Variants in CUX1 observed in about 807,000 individuals in gnomAD.
The protein encoded by CUX1 is protein CASP.
Under a neutral mutation model 158.8 loss-of-function variants are expected in CUX1, and 31 were observed. The observed-to-expected ratio is 0.20, with a 90% CI of 0.15 to 0.26. CUX1 has a LOEUF of 0.26. CUX1 is among the 10% of genes least tolerant of loss of function. CUX1 has a pLI of 1.00. For synonymous variants in CUX1, 879 were observed against 862.1 expected (o/e 1.02, Z -0.34); for missense variants, 1,589 against 2,014.6 (o/e 0.79, Z 4.04).
intron 2 of CUX1, among the ~76,000 whole-genome samples, chr7:101,952,519 G>A (rs769913576): frequency 2.6e-5 from 4 of 152,168 alleles, no homozygotes; most frequent in African/African-American, 4.8e-5. Flanking sequence ...ACGGAACCCC[G>A]AGTACCTTTC....
At chr7:102,107,898 G>A (rs533723368) in intron 6 of CUX1, among the ~76,000 whole-genome samples, 10 of 152,350 alleles carry the variant, frequency 6.6e-5, no homozygotes, top group African/African-American at 1.9e-4. Flanking sequence ...GGTGGAGGCC[G>A]CATCCATCGT....
At chr7:101,870,156 T>TG (rs1554400786) in intron 1 of CUX1, among the ~76,000 whole-genome samples, 3 of 149,018 alleles carry the variant, frequency 2.0e-5, no homozygotes, top group African/African-American at 7.4e-5. Flanking sequence ...TTTTTTTGTT[T>TG]TTTTTTTTTT....
chr7:101,851,286 T>C (rs140763925), intron 1 of CUX1, among the ~76,000 whole-genome samples: 150 of 152,274 alleles, frequency 9.9e-4, no homozygotes, highest in African/African-American at 3.5e-3. Context: ...TCTTAAAATA[T>C]GGAAGGCCAT....
intron 3 of CUX1, among the ~76,000 whole-genome samples, chr7:102,034,139 C>G (rs1246477710): frequency 6.1e-5 from 1 of 16,322 alleles, no homozygotes; most frequent in African/African-American, 3.4e-4. Flanking sequence ...GAGCGAGACT[C>G]CATCTCAAAA....
rs892294752 is a variant in CUX1, at chr7:102,144,547, T to G, written c.675-14013T>G. On this transcript the variant is annotated intron_variant, in intron 8 of 23. Transcript: ENST00000292535. The stretch of plus-strand genomic sequence containing the variant: ...GCACATTCAAAAATAATTTTTCACC[T>G]GCAGTCCCAGCAACTCAGGAGGCTG... Among the ~76,000 whole-genome samples, 4 of 152,064 alleles carry G rather than the reference T, an allele frequency of 2.6e-5. No homozygotes were observed. In the East Asian group the frequency reaches 7.7e-4, roughly 29 times the overall value.
intron 5 of CUX1, among the ~76,000 whole-genome samples, chr7:102,098,427 C>T (rs1283586704): frequency 2.0e-5 from 3 of 152,058 alleles, no homozygotes; most frequent in African/African-American, 7.2e-5. Context: ...GCCTCGGAAA[C>T]GTAGCAATAC....
At chr7:101,981,599 G>A (rs1197957922) in intron 2 of CUX1, among the ~76,000 whole-genome samples, 3 of 152,152 alleles carry the variant, frequency 2.0e-5, no homozygotes, top group Non-Finnish European at 4.4e-5. Context: ...AAATGTCAGA[G>A]GCTCTGAAGT....
In CUX1 at chr7:102,140,234, T is replaced by TTTTG. The variant is rs564626379; in HGVS notation, c.675-18302_675-18299dup. Reference sequence around the variant, plus strand: ...ATGCTCTACCTATGTGGGTTTGTTTTTTTGTTTGTTTGTTTGTTTGTTTGT... The same window carrying TTTTG: ...ATGCTCTACCTATGTGGGTTTGTTTTTTTGTTTGTTTGTTTGTTTGTTTGTTTGT... On this transcript the variant is annotated intron_variant, in intron 8 of 23. Transcript: ENST00000292535. 1.0e-3 allele frequency among the ~76,000 whole-genome samples: 158 copies of TTTTG among 152,122 alleles called. 1 individual carries two copies. The highest frequency in any genetic ancestry group is 6.8e-3 in the Middle Eastern group (2 of 294).
chr7:102,044,744 C>A (rs766765080), intron 3 of CUX1, among the ~76,000 whole-genome samples: 1 of 152,054 alleles, frequency 6.6e-6, no homozygotes, highest in Admixed American at 6.6e-5. Flanking sequence ...GGTTCCTAGA[C>A]GCCCACAAGC....
intron 1 of CUX1, among the ~76,000 whole-genome samples, chr7:101,876,954 C>T (rs1214167222): frequency 6.6e-6 from 1 of 152,144 alleles, no homozygotes; most frequent in African/African-American, 2.4e-5. Flanking sequence ...TCTGACCTCA[C>T]TACCACTCTG....
At chr7:101,920,369 G>T (rs534798132) in intron 2 of CUX1, among the ~76,000 whole-genome samples, 1 of 151,842 alleles carries the variant, frequency 6.6e-6, no homozygotes, top group Non-Finnish European at 1.5e-5. Context: ...TGATCCACCC[G>T]CCTCAGCCTC....
chr7:102,060,584 TATATATATACACACACACAAATAAAC>T (rs1386287351), intron 3 of CUX1, among the ~76,000 whole-genome samples: 12 of 115,006 alleles, frequency 1.0e-4, no homozygotes, highest in African/African-American at 1.6e-4. Flanking sequence ...TATATACATA[TATATATATACACACACACAAATAAAC>T]ACACACACAC....
chr7:102,073,909 A>G (rs1264783231), intron 4 of CUX1, among the ~76,000 whole-genome samples: 1 of 152,208 alleles, frequency 6.6e-6, no homozygotes, highest in Non-Finnish European at 1.5e-5. Context: ...CTAAAAGTCA[A>G]TCAGAATACA....
At chr7:101,855,135 C>T (rs1319154078) in intron 1 of CUX1, among the ~76,000 whole-genome samples, 3 of 152,276 alleles carry the variant, frequency 2.0e-5, no homozygotes, top group Non-Finnish European at 4.4e-5. Flanking sequence ...AGTGCCGTGG[C>T]ATCTTACCTC....
At chr7:101,991,346 T>A (rs1815098805) in intron 2 of CUX1, among the ~76,000 whole-genome samples, 1 of 152,332 alleles carries the variant, frequency 6.6e-6, no homozygotes, top group African/African-American at 2.4e-5. Context: ...CAGATGTGTG[T>A]GTGTATCTTT....
At chr7:101,825,534 C>T (rs1793154845) in intron 1 of CUX1, among the ~76,000 whole-genome samples, 1 of 152,160 alleles carries the variant, frequency 6.6e-6, no homozygotes, top group Non-Finnish European at 1.5e-5. Flanking sequence ...AAGGCTTGGT[C>T]ATCTCTTCCC....
At chr7:102,210,876 G>A (rs1483462555) in intron 20 of CUX1, among the ~76,000 whole-genome samples, 1 of 152,216 alleles carries the variant, frequency 6.6e-6, no homozygotes, top group Non-Finnish European at 1.5e-5. Flanking sequence ...CCCCTTGGCT[G>A]CAGCCCCTAT....
In CUX1 at chr7:102,250,465, CTT is replaced by C. The variant is rs1182160187; in HGVS notation, c.*1424_*1425del. 6.1e-6 allele frequency: 6 copies of C among 985,374 alleles called. No individual in the cohort carries two copies. In the East Asian group the frequency reaches 3.4e-4, roughly 56 times the overall value. The allele number at this position is 985,374 out of a possible 1,614,324, so 61.0% of individuals were successfully genotyped here. A position where few individuals can be genotyped will look rare whatever the true frequency, so the allele number is the denominator to read the frequency against. On this transcript the variant is annotated 3_prime_UTR_variant, in exon 24 of 24. Transcript: ENST00000292535. ...CAGGGCTTACACGCGCACTCTCTCT[CTT>C]CTTTCCCTTTTTCTTCCCACCGCAA... is the stretch of plus-strand genomic sequence containing the variant.
intron 4 of CUX1, among the ~76,000 whole-genome samples, chr7:102,074,714 C>T (rs529223162): frequency 6.6e-6 from 1 of 152,352 alleles, no homozygotes; most frequent in Admixed American, 6.5e-5. Context: ...TCCTGAGTGC[C>T]AGCTTGCATA....
Sources: allele counts gnomAD v4.1 joint callset (sites outside exome capture counted in the v4.1 genomes callset), GRCh38; gene constraint gnomAD v4.1.1; transcripts MANE v1.5; gene names NCBI Gene and HGNC (gene_info 2026-07-23, HGNC 2026-07-21).